EPC1: variants seen among roughly 807,000 people sequenced by gnomAD.
EPC1 encodes enhancer of polycomb 1, also known as enhancer of polycomb homolog 1.
A neutral mutation model predicts 98.4 loss-of-function variants in EPC1; 12 were observed. The ratio of observed to expected loss-of-function variants is 0.12; its 90% CI spans 0.08 to 0.20. EPC1 has a LOEUF of 0.20. Among genes scored for constraint, EPC1 ranks in the 10% least tolerant of loss-of-function variants. The pLI, the probability that EPC1 is intolerant of heterozygous loss-of-function variation, is 1.00. For missense variants in EPC1, 729 were observed against 990.5 expected, an observed-to-expected ratio of 0.74 and a Z score of 3.54; for synonymous variants, 357 against 363.9, an observed-to-expected ratio of 0.98 and a Z score of 0.21.
In EPC1 at chr10:32,335,610, C is replaced by CAG. The variant is rs1837911483; in HGVS notation, c.153+11151_153+11152dup. On this transcript the variant is annotated intron_variant, in intron 1 of 13. Coordinates refer to ENST00000319778, the MANE Select transcript of EPC1 (RefSeq NM_001272004.3). ...GTCCCTTCAAAAAAACACAACCACTCAGAAGTTCACAGCATCACTCTCTCC... is the reference window on the plus strand; with the variant it reads ...GTCCCTTCAAAAAAACACAACCACTCAGAGAAGTTCACAGCATCACTCTCTCC... Among the ~76,000 whole-genome samples, 5 of 152,294 alleles carry CAG rather than the reference C, an allele frequency of 3.3e-5. 1 individual carries two copies. The South Asian group carries it at 1.0e-3, about 32-fold the overall frequency.
chr10:32,303,158 CCATG>C (rs1835672851), intron 2 of EPC1, among the ~76,000 whole-genome samples: 1 of 152,098 alleles, frequency 6.6e-6, no homozygotes, highest in Admixed American at 6.5e-5. Context: ...ACAAAATTAG[CCATG>C]TGTGGTGGTG....
intron 1 of EPC1, among the ~76,000 whole-genome samples, chr10:32,329,682 AAC>A (rs1170066600): frequency 2.0e-5 from 3 of 152,226 alleles, no homozygotes; most frequent in African/African-American, 4.8e-5. Flanking sequence ...CTAAACTAGA[AAC>A]ACATGAATAA....
At chr10:32,328,681 C>T (rs545978775) in intron 1 of EPC1, among the ~76,000 whole-genome samples, 11 of 152,166 alleles carry the variant, frequency 7.2e-5, no homozygotes, top group Non-Finnish European at 1.6e-4. Context: ...AGTGCTGAAA[C>T]CAGCACACTC....
chr10:32,337,397 A>C (rs1838043532), intron 1 of EPC1, among the ~76,000 whole-genome samples: 1 of 152,206 alleles, frequency 6.6e-6, no homozygotes, highest in Non-Finnish European at 1.5e-5. Flanking sequence ...GGACAGGATC[A>C]GATCAGTTTT....
chr10:32,329,576 G>A (rs148968992), intron 1 of EPC1, among the ~76,000 whole-genome samples: 6 of 152,178 alleles, frequency 3.9e-5, no homozygotes, highest in Non-Finnish European at 7.4e-5. Context: ...GTAACCACAG[G>A]GTAGACTCTG....
chr10:32,334,631 A>G (rs1258463307), intron 1 of EPC1, among the ~76,000 whole-genome samples: 2 of 152,186 alleles, frequency 1.3e-5, no homozygotes, highest in African/African-American at 4.8e-5. Flanking sequence ...AGTCTACTGT[A>G]TATTAAAACT....
Position 32,366,674 on chromosome 10 carries a change from TATATA to T in EPC1, c.3+11812_3+11816del, listed in dbSNP as rs577018329. On this transcript the variant is annotated intron_variant, in intron 1 of 13. Transcript: ENST00000375110. Reference sequence around the variant, plus strand: ...TTATATCAATACATGTAAAGAGGTATATATAAAAAAGCAAAATGACAGAACAAAAA... The same window carrying T: ...TTATATCAATACATGTAAAGAGGTATAAAAAGCAAAATGACAGAACAAAAA... 2.2e-5 allele frequency among the ~76,000 whole-genome samples: 3 copies of T among 138,594 alleles called. No individual in the cohort carries two copies. In the South Asian group the frequency reaches 7.1e-4, roughly 33 times the overall value. The allele number at this position is 138,594 out of a possible 152,430, so 90.9% of individuals were successfully genotyped here.
chr10:32,372,589 C>T (rs1022593694), intron 1 of EPC1, among the ~76,000 whole-genome samples: 9 of 152,166 alleles, frequency 5.9e-5, no homozygotes, highest in Non-Finnish European at 1.0e-4. Flanking sequence ...GTATCAGAAG[C>T]AAATTCGACA....
intron 1 of EPC1, among the ~76,000 whole-genome samples, chr10:32,318,036 C>G (rs1354662497): frequency 6.6e-6 from 1 of 152,108 alleles, no homozygotes; most frequent in East Asian, 1.9e-4. Context: ...TATTTGTACC[C>G]CTAGCATCCG....
intron 2 of EPC1, among the ~76,000 whole-genome samples, chr10:32,298,112 A>G (rs1835283604): frequency 6.6e-6 from 1 of 152,176 alleles, no homozygotes; most frequent in South Asian, 2.1e-4. Flanking sequence ...GATTATTTTT[A>G]AAGGAAATCC....
chr10:32,316,920 A>C (rs961524048), intron 1 of EPC1, among the ~76,000 whole-genome samples: 3 of 152,262 alleles, frequency 2.0e-5, no homozygotes, highest in African/African-American at 7.2e-5. Context: ...TTAAAAAATA[A>C]GATGAATGGA....
chr10:32,275,864 G>A (rs1836062933), intron 10 of EPC1, among the ~76,000 whole-genome samples: 1 of 152,034 alleles, frequency 6.6e-6, no homozygotes, highest in Admixed American at 6.5e-5. Flanking sequence ...TTGAACCCGG[G>A]AGGTGGAGGT....
chr10:32,276,354 T>C (rs1235566347), intron 10 of EPC1, among the ~76,000 whole-genome samples: 1 of 151,738 alleles, frequency 6.6e-6, no homozygotes, highest in Admixed American at 6.6e-5. Flanking sequence ...CTACCAAAAA[T>C]ACAAAAACTT....
At chr10:32,312,111 G>A (rs1564540871) in intron 1 of EPC1, among the ~76,000 whole-genome samples, 4 of 152,164 alleles carry the variant, frequency 2.6e-5, no homozygotes, top group East Asian at 3.9e-4. Flanking sequence ...ACACAGAGAA[G>A]GCCAGTGAGG....
chr10:32,283,018 G>A (rs1465283680), intron 10 of EPC1: 1 of 152,152 alleles, frequency 6.6e-6, no homozygotes, highest in Non-Finnish European at 1.5e-5. Flanking sequence ...TAACATTAAT[G>A]GGATTATAAA....
At chr10:32,375,144 C>T (rs1417935674) in intron 1 of EPC1, among the ~76,000 whole-genome samples, 2 of 151,956 alleles carry the variant, frequency 1.3e-5, no homozygotes, top group African/African-American at 2.4e-5. Flanking sequence ...ACACATCTAG[C>T]AAATAACAGA....
At chr10:32,328,141 T>A (rs1443400424) in intron 1 of EPC1, among the ~76,000 whole-genome samples, 1 of 152,136 alleles carries the variant, frequency 6.6e-6, no homozygotes, top group Middle Eastern at 3.4e-3. Flanking sequence ...AGGAAGAGTA[T>A]CAAATCAAAT....
Position 32,271,861 on chromosome 10 carries a change from T to A in EPC1, c.2062A>T (p.Ser688Cys), listed in dbSNP as rs1835861189. ...STTPTALVHT[S>C]PSTAGSALLQ... is the part of the protein sequence containing the mutation. Reference sequence around the variant, plus strand: ...AAAGCTGAACCTGCCGTTGATGGACTTGTATGTACAAGTGCTGTTGGTGTA... The same window carrying A: ...AAAGCTGAACCTGCCGTTGATGGACATGTATGTACAAGTGCTGTTGGTGTA... The change falls in exon 13 of 14, where the codon AGT becomes TGT. Residue 688 changes from serine to cysteine, a missense_variant. Ser to Cys is a moderately radical substitution (Grantham distance 112). Transcript: ENST00000319778. The A allele has an allele frequency of 5.6e-6, 9 of 1,614,064 alleles. No individual in the cohort carries two copies.
chr10:32,340,858 G>A (rs1396056310), intron 1 of EPC1, among the ~76,000 whole-genome samples: 1 of 152,024 alleles, frequency 6.6e-6, no homozygotes, highest in Non-Finnish European at 1.5e-5. Flanking sequence ...CTAGCAAGTT[G>A]TTTAAAACAT....
Sources: gnomAD v4.1 joint callset for allele counts (sites outside exome capture counted in the v4.1 genomes callset) on GRCh38, gnomAD v4.1.1 for gene constraint, MANE v1.5 for transcripts, NCBI Gene and HGNC (gene_info 2026-07-23, HGNC 2026-07-21) for gene names.